CENPP: variants seen among roughly 807,000 people sequenced by gnomAD.
The protein encoded by CENPP is centromere protein P.
Under a neutral mutation model 35.6 loss-of-function variants are expected in CENPP, and 24 were observed. That is an observed-to-expected ratio of 0.67 (90% CI 0.49 to 0.95). The LOEUF (loss-of-function observed/expected upper bound fraction) is 0.95. Among genes scored for constraint, CENPP ranks in the 40% least tolerant of loss-of-function variants. The pLI, the probability that CENPP is intolerant of heterozygous loss-of-function variation, is 0.00. For synonymous variants in CENPP, 120 were observed against 125.5 expected, an observed-to-expected ratio of 0.96 and a Z score of 0.29; for missense variants, 332 against 345.3, an observed-to-expected ratio of 0.96 and a Z score of 0.31.
At chr9:92,612,486 A>G (rs113541976) in intron 6 of CENPP, 37 bp from the exon 7 acceptor site, 2 of 1,533,172 alleles carry the variant, frequency 1.3e-6, no homozygotes, top group East Asian at 4.5e-5. Context: ...GCCAGATTTC[A>G]AAAAGCACAT....
chr9:92,616,533 C>G lies in CENPP; in HGVS notation c.*3384C>G, dbSNP rs1239847412. ...TTCCAGCGCCAAATGGATGGAATGT[C>G]GACAAGCCTTCTTCTTTGCCTCTCC... On this transcript the variant is annotated 3_prime_UTR_variant, in exon 8 of 8. Coordinates refer to ENST00000375587, the MANE Select transcript of CENPP (RefSeq NM_001012267.3). 1.3e-5 allele frequency: 2 copies of G among 155,258 alleles called. No homozygotes were observed. Among genetic ancestry groups the G allele is most frequent in the African/African-American group, 4.8e-5 (2 of 41,454 alleles). 9.6% of individuals were successfully genotyped at this position (155,258 alleles called of 1,614,324 possible).
intron 5 of CENPP, among the ~76,000 whole-genome samples, chr9:92,469,696 C>T (rs1845438430): frequency 6.6e-6 from 1 of 152,182 alleles, no homozygotes; most frequent in African/African-American, 2.4e-5. Flanking sequence ...CTTACCACCT[C>T]AGATGATACA....
intron 4 of CENPP, among the ~76,000 whole-genome samples, chr9:92,347,423 AT>A (rs1554752509): frequency 1.3e-5 from 2 of 152,182 alleles, no homozygotes; most frequent in Admixed American, 1.3e-4. Flanking sequence ...CTGGGTTCCC[AT>A]TTTGTGGAGA....
chr9:92,562,188 GTTTTCTTTTTTTTC>G (rs1398620155), intron 5 of CENPP, among the ~76,000 whole-genome samples: 2 of 148,646 alleles, frequency 1.3e-5, no homozygotes, highest in African/African-American at 5.0e-5. Flanking sequence ...CTGGAACTCA[GTTTTCTTTTTTTTC>G]TTTTCTTTTT....
At chr9:92,600,873 C>G (rs994476001) in intron 5 of CENPP, among the ~76,000 whole-genome samples, 1 of 152,194 alleles carries the variant, frequency 6.6e-6, no homozygotes, top group Non-Finnish European at 1.5e-5. Flanking sequence ...GTGGATGGTG[C>G]AGGTCCCCTG....
intron 5 of CENPP, among the ~76,000 whole-genome samples, chr9:92,498,310 G>A (rs867760063): frequency 6.6e-6 from 1 of 152,108 alleles, no homozygotes; most frequent in African/African-American, 2.4e-5. Flanking sequence ...AATCATAGAC[G>A]TTGGGGGAGG....
intron 4 of CENPP, among the ~76,000 whole-genome samples, chr9:92,356,245 A>G (rs900802420): frequency 4.6e-5 from 7 of 152,228 alleles, no homozygotes; most frequent in African/African-American, 1.7e-4. Flanking sequence ...TCTTTCTCCA[A>G]AGGCAGCCAC....
chr9:92,550,261 T>C (rs1180014402), intron 5 of CENPP, among the ~76,000 whole-genome samples: 3 of 151,988 alleles, frequency 2.0e-5, no homozygotes, highest in African/African-American at 7.3e-5. Flanking sequence ...CTGGGTGTGG[T>C]GGTGCGTGCC....
intron 5 of CENPP, among the ~76,000 whole-genome samples, chr9:92,568,131 A>AGGGT (rs1850041190): frequency 1.3e-5 from 1 of 78,784 alleles, no homozygotes. Flanking sequence ...ACATGTGCAC[A>AGGGT]ACATGCAGGT....
At chr9:92,343,809 A>T (rs1174015270) in intron 3 of CENPP, among the ~76,000 whole-genome samples, 1 of 152,038 alleles carries the variant, frequency 6.6e-6, no homozygotes, top group Non-Finnish European at 1.5e-5. Context: ...TAAATAAAAA[A>T]GAAATTAGCC....
At position 92,579,418 on chromosome 9, in the gene CENPP, T is replaced by C. The variant is rs1030058076; in HGVS notation, c.565-31896T>C. 3.5e-4 allele frequency among the ~76,000 whole-genome samples: 52 copies of C among 148,702 alleles called. No homozygotes were observed. In the East Asian group the frequency reaches 3.8e-3, roughly 11 times the overall value. ...GTATGGCCATTTTCACGATATTGATTCTTCCTACCCATGAGCATGGAATGT... is the reference window on the plus strand; with the variant it reads ...GTATGGCCATTTTCACGATATTGATCCTTCCTACCCATGAGCATGGAATGT... On this transcript the variant is annotated intron_variant, in intron 5 of 7. Transcript: ENST00000375587.
At chr9:92,517,754 G>A in intron 5 of CENPP, 1 of 1,614,222 alleles carries the variant, frequency 6.2e-7, no homozygotes. Context: ...TCTGGGGATG[G>A]CACATGGTTT....
intron 4 of CENPP, among the ~76,000 whole-genome samples, chr9:92,366,533 G>A (rs1035630327): frequency 2.0e-5 from 3 of 152,152 alleles, no homozygotes; most frequent in Non-Finnish European, 4.4e-5. Context: ...ACTATTTACA[G>A]ATCACTCAAC....
chr9:92,578,945 C>T (rs1048469187), intron 5 of CENPP, among the ~76,000 whole-genome samples: 1 of 152,144 alleles, frequency 6.6e-6, no homozygotes. Flanking sequence ...TCTAACGTTT[C>T]AGTCTTTAAT....
Position 92,456,950 on chromosome 9 carries a change from C to T in CENPP, c.564+77091C>T, listed in dbSNP as rs1018072304. 2.8e-6 allele frequency: 3 copies of T among 1,068,452 alleles called. No individual in the cohort carries two copies. The African/African-American group carries it at 5.1e-5, about 18-fold the overall frequency. 66.2% of individuals were successfully genotyped at this position (1,068,452 alleles called of 1,614,324 possible). On this transcript the variant is annotated intron_variant, in intron 5 of 7. Coordinates refer to ENST00000375587, the MANE Select transcript of CENPP (RefSeq NM_001012267.3). ...TAAGTCAAGCATTCCATTTACAGTA[C>T]AGTTCTTTTTAAAATATGCTTGATA...
At chr9:92,439,985 C>T (rs1204511217) in intron 5 of CENPP, among the ~76,000 whole-genome samples, 1 of 152,162 alleles carries the variant, frequency 6.6e-6, no homozygotes, top group Non-Finnish European at 1.5e-5. Flanking sequence ...TACCCATGGT[C>T]AACCATGGTC....
chr9:92,607,322 G>A (rs1403865906), intron 5 of CENPP, among the ~76,000 whole-genome samples: 2 of 152,184 alleles, frequency 1.3e-5, no homozygotes, highest in Non-Finnish European at 2.9e-5. Context: ...CAATAGACCA[G>A]AGTGTCTTTC....
At chr9:92,558,598 A>C (rs1362414381) in intron 5 of CENPP, among the ~76,000 whole-genome samples, 1 of 152,054 alleles carries the variant, frequency 6.6e-6, no homozygotes, top group African/African-American at 2.4e-5. Context: ...TTAATTATCT[A>C]TTTTTGTGCT....
At chr9:92,566,437 A>C (rs1052954651) in intron 5 of CENPP, among the ~76,000 whole-genome samples, 2 of 152,194 alleles carry the variant, frequency 1.3e-5, no homozygotes, top group Non-Finnish European at 2.9e-5. Flanking sequence ...AGTTTTAAAA[A>C]CTGTCTAAAG....
Sources: allele counts gnomAD v4.1 joint callset (sites outside exome capture counted in the v4.1 genomes callset), GRCh38; gene constraint gnomAD v4.1.1; transcripts MANE v1.5; gene names NCBI Gene and HGNC (gene_info 2026-07-23, HGNC 2026-07-21).